Variants in TDRD10 observed in about 807,000 individuals in gnomAD.
The protein encoded by TDRD10 is tudor domain-containing protein 10.
Under a neutral mutation model 48.0 loss-of-function variants are expected in TDRD10, and 40 were observed. That is an observed-to-expected ratio of 0.83 (90% CI 0.65 to 1.09). TDRD10 has a LOEUF of 1.09. Ranked by LOEUF, TDRD10 falls within the 50% of genes least tolerant of loss-of-function variation. TDRD10 has a pLI of 0.00. For missense variants in TDRD10, 378 were observed against 434.7 expected, an observed-to-expected ratio of 0.87 and a Z score of 1.16; for synonymous variants, 162 against 170.4, an observed-to-expected ratio of 0.95 and a Z score of 0.38.
chr1:154,506,421 G>T (rs1261139220), intron 1 of TDRD10, among the ~76,000 whole-genome samples: 1 of 151,210 alleles, frequency 6.6e-6, no homozygotes, highest in Non-Finnish European at 1.5e-5. Flanking sequence ...TGTCGCCCAG[G>T]CTGGAGTGCA....
intron 2 of TDRD10, 157 bp downstream of exon 2, chr1:154,507,062 T>G (rs1693187014): frequency 3.0e-6 from 3 of 985,298 alleles, no homozygotes; most frequent in South Asian, 9.4e-5. Context: ...TTTTAGTGAT[T>G]TAAAAGGTCC....
intron 6 of TDRD10, among the ~76,000 whole-genome samples, chr1:154,526,460 C>T (rs1433638723): frequency 4.1e-5 from 6 of 146,876 alleles, no homozygotes; most frequent in African/African-American, 1.3e-4. Flanking sequence ...TGCTCTGTCA[C>T]GTGGCTGGAG....
intron 10 of TDRD10, 86 bp downstream of exon 10, chr1:154,544,603 G>GT (rs1341594147): frequency 3.4e-5 from 52 of 1,520,282 alleles, no homozygotes; most frequent in South Asian, 1.8e-4. Context: ...TTGGGCTCTG[G>GT]TTTTTTTTCC....
In TDRD10 at chr1:154,507,339, T is replaced by TTCCC; in HGVS notation, c.82+21_82+22insCCTC. ...TCTCCAGGTAAGTTAGGCTGGGGGATTCGCTGGTGCTGGGACTCTCATCCT... is the reference window on the plus strand; with the variant it reads ...TCTCCAGGTAAGTTAGGCTGGGGGATTCCCTCGCTGGTGCTGGGACTCTCATCCT... On this transcript the variant is annotated intron_variant, in intron 3 of 12. Coordinates refer to ENST00000368482, the MANE Select transcript of TDRD10 (RefSeq NM_182499.4). The TTCCC allele has an allele frequency of 6.2e-7, 1 of 1,613,382 alleles. No homozygotes were observed. The highest frequency in any genetic ancestry group is 1.1e-5 in the South Asian group (1 of 90,844).
intron 6 of TDRD10, among the ~76,000 whole-genome samples, chr1:154,538,550 C>CAAAAAAAAAA (rs59257227): frequency 1.7e-5 from 1 of 57,340 alleles, no homozygotes; most frequent in Admixed American, 2.2e-4. Flanking sequence ...AACTCTATCT[C>CAAAAAAAAAA]AAAAAAAAAA....
chr1:154,503,438 A>G (rs1692933185), intron 1 of TDRD10, among the ~76,000 whole-genome samples: 1 of 151,988 alleles, frequency 6.6e-6, no homozygotes, highest in Non-Finnish European at 1.5e-5. Flanking sequence ...AAATACAAAA[A>G]TTAGCCGGGC....
intron 6 of TDRD10, among the ~76,000 whole-genome samples, chr1:154,523,570 C>T (rs1694165697): frequency 6.6e-6 from 1 of 152,206 alleles, no homozygotes; most frequent in South Asian, 2.1e-4. Context: ...GATGCATTGG[C>T]TCACGTAGGC....
intron 8 of TDRD10, 146 bp from the exon 9 acceptor site, chr1:154,543,817 C>G: frequency 7.9e-7 from 1 of 1,262,376 alleles, no homozygotes; most frequent in African/African-American, 1.5e-5. Flanking sequence ...AGCTCCCACC[C>G]TAGAGGGGGT....
intron 6 of TDRD10, among the ~76,000 whole-genome samples, chr1:154,538,284 C>T (rs1055947390): frequency 1.3e-5 from 2 of 152,318 alleles, no homozygotes; most frequent in African/African-American, 2.4e-5. Flanking sequence ...CACCGTGGCT[C>T]ACGCCTGTAA....
intron 2 of TDRD10, 95 bp from the exon 3 acceptor site, chr1:154,507,146 A>T: frequency 7.7e-6 from 12 of 1,567,222 alleles, no homozygotes; most frequent in Non-Finnish European, 1.0e-5. Flanking sequence ...AGGGGAATGG[A>T]GGTTTATGCA....
rs1192155033 is a variant in TDRD10, at chr1:154,544,393, G to C, written c.673G>C (p.Ala225Pro). 1 of 1,591,642 alleles carries C rather than the reference G, an allele frequency of 6.3e-7. No individual in the cohort carries two copies. Among genetic ancestry groups the C allele is most frequent in the Non-Finnish European group, 8.6e-7 (1 of 1,169,448 alleles). ...ACAGGCTCTGCACCAGAACATGCAG[G>C]CTCTGTTTAGCACCCTGGCTCAGGC... Reference protein sequence around the residue: ...VTEALHQNMQALFSTLAQAEE... With the variant: ...VTEALHQNMQPLFSTLAQAEE... The change falls in exon 10 of 13, where the codon GCT (alanine) becomes CCT (proline). Residue 225 changes from alanine (A) to proline (P), a missense_variant. Around this residue, in one of 2 missense-constraint regions of TDRD10, gnomAD observed 310 missense variants for 323.6 expected, o/e 0.96. Transcript: ENST00000368482.
chr1:154,522,031 G>A (rs1694086817), intron 6 of TDRD10, among the ~76,000 whole-genome samples: 1 of 152,184 alleles, frequency 6.6e-6, no homozygotes, highest in South Asian at 2.1e-4. Context: ...GGTGAACCAG[G>A]AGAAAAAGAT....
chr1:154,544,393 GCT>G lies in TDRD10; in HGVS notation c.676_677del (p.Leu226ValfsTer2). 1 of 1,591,642 alleles carries G rather than the reference GCT, an allele frequency of 6.3e-7. No individual in the cohort carries two copies. Among genetic ancestry groups the G allele is most frequent in the Non-Finnish European group, 8.6e-7 (1 of 1,169,448 alleles). On this transcript the variant is annotated frameshift_variant, in exon 10 of 13. Coordinates refer to ENST00000368482, the MANE Select transcript of TDRD10 (RefSeq NM_182499.4). LOFTEE classifies it high-confidence loss of function. The stretch of plus-strand genomic sequence containing the variant: ...ACAGGCTCTGCACCAGAACATGCAG[GCT>G]CTGTTTAGCACCCTGGCTCAGGCGG... ...VTEALHQNMQ[A>X]LFSTLAQAEE... is the part of the protein sequence containing the mutation.
intron 4 of TDRD10, among the ~76,000 whole-genome samples, chr1:154,519,532 C>A (rs1305064759): frequency 6.6e-6 from 1 of 152,074 alleles, no homozygotes; most frequent in Non-Finnish European, 1.5e-5. Context: ...TGAAGTGAAG[C>A]CATCACAGTG....
intron 4 of TDRD10, among the ~76,000 whole-genome samples, chr1:154,518,690 A>G (rs1429781838): frequency 1.3e-5 from 2 of 152,224 alleles, no homozygotes; most frequent in East Asian, 3.9e-4. Context: ...CAGCCTCCCA[A>G]AGTGCTGGGA....
In TDRD10 at chr1:154,544,416, G is replaced by A. The variant is rs1481315899; in HGVS notation, c.696G>A (p.Gln232=). ...AGGCTCTGTTTAGCACCCTGGCTCA[G>A]GCGGAGGAGCAGCAGCCCTACCTGG... ...NMQALFSTLA[Q]AEEQQPYLEG... Residue 232 remains glutamine (Q), a synonymous_variant, in exon 10 of 13, where the codon CAG becomes CAA. Coordinates refer to ENST00000368482, the MANE Select transcript of TDRD10 (RefSeq NM_182499.4). 1 of 1,603,728 alleles carries A rather than the reference G, an allele frequency of 6.2e-7. No individual in the cohort carries two copies. The highest frequency in any genetic ancestry group is 8.5e-7 in the Non-Finnish European group (1 of 1,175,802).
chr1:154,539,953 C>G (rs1439752899), intron 6 of TDRD10, among the ~76,000 whole-genome samples: 1 of 152,140 alleles, frequency 6.6e-6, no homozygotes, highest in Non-Finnish European at 1.5e-5. Context: ...GGGAGGCCTG[C>G]AAGTGGCCCA....
At chr1:154,544,320 A>G in intron 9 of TDRD10, 52 bp from the exon 10 acceptor site, 1 of 1,552,424 alleles carries the variant, frequency 6.4e-7, no homozygotes, top group Non-Finnish European at 8.7e-7. Flanking sequence ...CTACGGAGGC[A>G]GATTTGTAAT....
chr1:154,506,881 T>A lies in TDRD10; in HGVS notation c.-23T>A. On this transcript the variant is annotated 5_prime_UTR_variant, in exon 2 of 13. Coordinates refer to ENST00000368482, the MANE Select transcript of TDRD10 (RefSeq NM_182499.4). ...TGTGGCCGGTTGGTTTTGTAGGAGA[T>A]CCTGTTGGAAAGCAACTGCAGCATG... The A allele has an allele frequency of 1.2e-6, 2 of 1,614,128 alleles. No individual in the cohort carries two copies. The highest frequency in any genetic ancestry group is 1.7e-6 in the Non-Finnish European group (2 of 1,179,976).
Sources: allele counts gnomAD v4.1 joint callset (sites outside exome capture counted in the v4.1 genomes callset), GRCh38; gene constraint gnomAD v4.1.1; regional missense constraint gnomAD v4.1.1; transcripts MANE v1.5; gene names NCBI Gene and HGNC (gene_info 2026-07-23, HGNC 2026-07-21).